SPG11: variants seen among roughly 807,000 people sequenced by gnomAD.
SPG11 encodes the protein spatacsin.
A neutral mutation model predicts 274.0 loss-of-function variants in SPG11; 222 were observed. That is an observed-to-expected ratio of 0.81 (90% CI 0.73 to 0.91). The LOEUF is 0.91. Among genes scored for constraint, SPG11 ranks in the 40% least tolerant of loss-of-function variants. The pLI is 0.00. For synonymous variants in SPG11, 1,144 were observed against 1,039.7 expected, an observed-to-expected ratio of 1.10 and a Z score of -1.93; for missense variants, 3,114 against 2,872.7, an observed-to-expected ratio of 1.08 and a Z score of -1.92.
chr15:44,607,213 C>T (rs1454591499), intron 19 of SPG11, among the ~76,000 whole-genome samples: 1 of 152,234 alleles, frequency 6.6e-6, no homozygotes, highest in Admixed American at 6.5e-5. Context: ...GCTGACCACA[C>T]TTTTAAGTAG....
At position 44,600,543 on chromosome 15, in the gene SPG11, G is replaced by A. The variant is rs772823131; in HGVS notation, c.3610C>T (p.His1204Tyr). The A allele has an allele frequency of 6.2e-7, 1 of 1,614,138 alleles. No individual in the cohort carries two copies. Among genetic ancestry groups the A allele is most frequent in the South Asian group, 1.1e-5 (1 of 91,088 alleles). ...VERLNFAYYL[H>Y]NGRPSFAFGT... ...AATGCAAATGATGGCCGCCCATTAT[G>A]TAAATAATAAGCAAAATTCAGACGT... Residue 1204 changes from histidine to tyrosine, a missense_variant, in exon 21 of 40, where the codon CAT (histidine) becomes TAT (tyrosine). Coordinates refer to ENST00000261866, the MANE Select transcript of SPG11 (RefSeq NM_025137.4).
chr15:44,571,776 CTTG>C (rs560764486), intron 33 of SPG11, among the ~76,000 whole-genome samples: 72 of 152,196 alleles, frequency 4.7e-4, no homozygotes, highest in African/African-American at 1.7e-3. Context: ...GGATTACAGG[CTTG>C]AGCCACTGCG....
chr15:44,594,629 G>A (rs2082987886), intron 26 of SPG11, among the ~76,000 whole-genome samples: 1 of 150,708 alleles, frequency 6.6e-6, no homozygotes, highest in South Asian at 2.1e-4. Flanking sequence ...CAGGCATGGT[G>A]GTGTGTGCCT....
chr15:44,655,867 C>T (rs979166616), intron 4 of SPG11, among the ~76,000 whole-genome samples: 15 of 152,048 alleles, frequency 9.9e-5, no homozygotes, highest in African/African-American at 3.1e-4. Context: ...GGAGTAATAA[C>T]TAATAATAGG....
rs1408120983 is a variant in SPG11 at position 44,567,643 on chromosome 15, C to T, written c.6586-51G>A. 10 of 1,598,990 alleles carry T rather than the reference C, an allele frequency of 6.3e-6. No homozygotes were observed. The South Asian group carries it at 9.9e-5, about 16-fold the overall frequency. On this transcript the variant is annotated intron_variant, in intron 35 of 39. Transcript: ENST00000261866. Reference sequence around the variant, plus strand: ...AAGGTGTCAGTCAGGGACTGCAAGGCAGACAGGACTAGCTGAGTCACCTTG... The same window carrying T: ...AAGGTGTCAGTCAGGGACTGCAAGGTAGACAGGACTAGCTGAGTCACCTTG...
At chr15:44,596,535 G>A (rs888997804) in intron 24 of SPG11, among the ~76,000 whole-genome samples, 180 bp from the exon 25 acceptor site, 18 of 151,942 alleles carry the variant, frequency 1.2e-4, no homozygotes, top group African/African-American at 4.1e-4. Context: ...TATTCAATCT[G>A]AAGTCACAAA....
chr15:44,592,478 C>G (rs1567145426), intron 26 of SPG11, 40 bp from the exon 27 acceptor site: 3 of 1,237,280 alleles, frequency 2.4e-6, no homozygotes, highest in Middle Eastern at 3.7e-4. Context: ...AAATTTTGAA[C>G]TTAATATTTT....
intron 7 of SPG11, among the ~76,000 whole-genome samples, chr15:44,645,431 C>A (rs576567688): frequency 8.5e-5 from 13 of 152,282 alleles, no homozygotes; most frequent in African/African-American, 3.1e-4. Flanking sequence ...ATGATTGAAA[C>A]TGAACCCCTT....
At position 44,651,789 on chromosome 15, in the gene SPG11, G is replaced by T. The variant is rs1421344368; in HGVS notation, c.1158C>A (p.Phe386Leu). The T allele has an allele frequency of 6.2e-7, 1 of 1,614,042 alleles. No homozygotes were observed. Among genetic ancestry groups the T allele is most frequent in the Admixed American group, 1.7e-5 (1 of 60,006 alleles). Residue 386 changes from phenylalanine to leucine, a missense_variant, in exon 6 of 40, where the codon TTC (phenylalanine) becomes TTA (leucine). By Grantham distance (22) the Phe-to-Leu change is conservative. Transcript: ENST00000261866. ...NHSTSVQSWA[F>L]IPQDIMHGQY... ...GCCCATGCATTATGTCCTGTGGAAT[G>T]AAGGCCCAGCTCTGCACACTTGTAC...
Position 44,596,129 on chromosome 15 carries a change from A to G in SPG11, c.4388T>C (p.Val1463Ala). 1 of 1,613,988 alleles carries G rather than the reference A, an allele frequency of 6.2e-7. No individual in the cohort carries two copies. Residue 1463 changes from valine to alanine, a missense_variant, in exon 25 of 40, where the codon GTG (valine) becomes GCG (alanine). By Grantham distance (64) the Val-to-Ala change is moderately conservative (BLOSUM62 0). Transcript: ENST00000261866. ...DSWHWLLVEA[V>A]KQQAPILSVL... is the part of the protein sequence containing the mutation. Reference sequence around the variant, plus strand: ...ACTGAGGATAGGGGCCTGTTGTTTCACTGCTTCAACCAGAAGCCAGTGCCA... The same window carrying G: ...ACTGAGGATAGGGGCCTGTTGTTTCGCTGCTTCAACCAGAAGCCAGTGCCA...
Position 44,651,795 on chromosome 15 carries a change from C to T in SPG11, c.1152G>A (p.Trp384Ter), listed in dbSNP as rs2084787275. ...SGNHSTSVQS[W>*]AFIPQDIMHG... ...GCATTATGTCCTGTGGAATGAAGGC[C>T]CAGCTCTGCACACTTGTACTGTGGT... is the stretch of plus-strand genomic sequence containing the variant. The change falls in exon 6 of 40, where the codon TGG becomes TGA. Residue 384 changes from tryptophan (W) to a stop codon, truncating the protein, a stop_gained. Coordinates refer to ENST00000261866, the MANE Select transcript of SPG11 (RefSeq NM_025137.4). LOFTEE classifies it high-confidence loss of function. 1.2e-6 allele frequency: 2 copies of T among 1,614,056 alleles called. No homozygotes were observed. The highest frequency in any genetic ancestry group is 1.7e-6 in the Non-Finnish European group (2 of 1,180,028).
intron 30 of SPG11, among the ~76,000 whole-genome samples, chr15:44,579,250 C>T (rs532704030): frequency 2.0e-5 from 3 of 147,812 alleles, no homozygotes; most frequent in South Asian, 4.3e-4. Context: ...AGGGGCTGGG[C>T]GTGGTGGCTC....
intron 32 of SPG11, 157 bp downstream of exon 32, chr15:44,573,390 C>T: frequency 1.3e-6 from 1 of 743,424 alleles, no homozygotes; most frequent in Non-Finnish European, 2.4e-6. Flanking sequence ...AAAAATAAAG[C>T]ATGTATTTTG....
chr15:44,576,221 G>C (rs1270942210), intron 30 of SPG11, among the ~76,000 whole-genome samples: 1 of 147,048 alleles, frequency 6.8e-6, no homozygotes, highest in Non-Finnish European at 1.5e-5. Context: ...TTTCTATTAG[G>C]AAAAAAAAGT....
chr15:44,616,593 T>C (rs755648788), intron 15 of SPG11, among the ~76,000 whole-genome samples: 12 of 152,230 alleles, frequency 7.9e-5, no homozygotes, highest in Non-Finnish European at 1.6e-4. Flanking sequence ...TGGAACATTC[T>C]GGATATATTG....
chr15:44,569,362 T>C, intron 35 of SPG11, 36 bp downstream of exon 35: 1 of 1,416,804 alleles, frequency 7.1e-7, no homozygotes, highest in South Asian at 1.2e-5. Flanking sequence ...TTATCAGCAG[T>C]ACACCCCATC....
chr15:44,587,295 A>G (rs1319137596), intron 28 of SPG11, among the ~76,000 whole-genome samples: 3 of 152,336 alleles, frequency 2.0e-5, no homozygotes, highest in Non-Finnish European at 4.4e-5. Context: ...AACATTCCAC[A>G]GGAGGTTATT....
chr15:44,653,265 G>T (rs1331791172), intron 4 of SPG11, among the ~76,000 whole-genome samples: 1 of 152,106 alleles, frequency 6.6e-6, no homozygotes, highest in Non-Finnish European at 1.5e-5. Flanking sequence ...GGAAGAAGGG[G>T]AAGGATTTTA....
intron 18 of SPG11, among the ~76,000 whole-genome samples, chr15:44,609,269 C>A (rs1484225547): frequency 6.6e-6 from 1 of 151,810 alleles, no homozygotes. Flanking sequence ...GTAGCTGGGA[C>A]TACAGGCACC....
Sources: gnomAD v4.1 joint callset for allele counts (sites outside exome capture counted in the v4.1 genomes callset) on GRCh38, gnomAD v4.1.1 for gene constraint, MANE v1.5 for transcripts, NCBI Gene and HGNC (gene_info 2026-07-23, HGNC 2026-07-21) for gene names.